Variants in HSPH1 observed in about 807,000 individuals in gnomAD.
HSPH1 encodes the protein heat shock protein family H (Hsp110) member 1, also known as heat shock protein 105 kDa.
HSPH1 carries 40 observed loss-of-function variants against 100.0 expected under a neutral mutation model. The observed-to-expected ratio is 0.40, with a 90% CI of 0.31 to 0.52. HSPH1 has a LOEUF of 0.52. Among genes scored for constraint, HSPH1 ranks in the 20% least tolerant of loss-of-function variants. The pLI is 0.54. For missense variants in HSPH1, 876 were observed against 1,015.1 expected, an observed-to-expected ratio of 0.86 and a Z score of 1.86; for synonymous variants, 403 against 344.0, an observed-to-expected ratio of 1.17 and a Z score of -1.90.
At chr13:31,144,372 C>T (rs1454917326) in intron 11 of HSPH1, among the ~76,000 whole-genome samples, 1 of 152,038 alleles carries the variant, frequency 6.6e-6, no homozygotes, top group Non-Finnish European at 1.5e-5. Flanking sequence ...CATAAAATGG[C>T]CAATTATCAG....
At chr13:31,151,829 T>A (rs1248177906) in intron 5 of HSPH1, 87 bp from the exon 6 acceptor site, 44 of 1,165,974 alleles carry the variant, frequency 3.8e-5, no homozygotes, top group South Asian at 5.9e-5. Flanking sequence ...GCAGGAAGCT[T>A]GACTATTAAC....
Position 31,143,873 on chromosome 13 carries a change from T to A in HSPH1, c.1635A>T (p.Gln545His). 6.2e-7 allele frequency: 1 copy of A among 1,611,654 alleles called. No individual in the cohort carries two copies. Among genetic ancestry groups the A allele is most frequent in the Non-Finnish European group, 8.5e-7 (1 of 1,178,660 alleles). ...NSEAGTQPQVQTDAQQTSQSP... is the reference protein window; with the variant it reads ...NSEAGTQPQVHTDAQQTSQSP... Reference sequence around the variant, plus strand: ...ACTGTGAGGTTTGTTGAGCATCAGTTTGTACCTGGGGCTGTGTTCCAGCTT... The same window carrying A: ...ACTGTGAGGTTTGTTGAGCATCAGTATGTACCTGGGGCTGTGTTCCAGCTT... Residue 545 changes from glutamine (Q) to histidine (H), a missense_variant, in exon 12 of 18, where the codon CAA (glutamine) becomes CAT (histidine). Physicochemically the swap from Gln to His is conservative, Grantham distance 24 (BLOSUM62 0). Transcript: ENST00000320027.
chr13:31,160,221 C>G (rs935890738), intron 1 of HSPH1, among the ~76,000 whole-genome samples: 3 of 152,088 alleles, frequency 2.0e-5, no homozygotes, highest in African/African-American at 7.2e-5. Flanking sequence ...GGCATGAAAG[C>G]CTGAAATACT....
chr13:31,151,894 G>T, intron 5 of HSPH1, 152 bp from the exon 6 acceptor site: 1 of 594,320 alleles, frequency 1.7e-6, no homozygotes, highest in Non-Finnish European at 2.9e-6. Flanking sequence ...ACTTCACACT[G>T]ATTTTCTTGG....
chr13:31,144,057 A>G (rs1345844926), intron 11 of HSPH1, 134 bp from the exon 12 acceptor site: 2 of 706,636 alleles, frequency 2.8e-6, no homozygotes, highest in Non-Finnish European at 4.1e-6. Context: ...GTACTGGATA[A>G]AAACAAAATG....
chr13:31,154,031 G>C, intron 4 of HSPH1: 1 of 154,184 alleles, frequency 6.5e-6, no homozygotes, highest in African/African-American at 2.4e-5. Flanking sequence ...TCATACTATA[G>C]AGCAAAGACC....
intron 12 of HSPH1, among the ~76,000 whole-genome samples, chr13:31,142,297 A>G (rs993593224): frequency 3.9e-5 from 6 of 152,104 alleles, no homozygotes; most frequent in African/African-American, 1.4e-4. Flanking sequence ...AAAGAGATGG[A>G]ATTAGATCCC....
At chr13:31,154,799 A>C (rs1410480251) in intron 3 of HSPH1, 44 bp from the exon 4 acceptor site, 2 of 1,553,730 alleles carry the variant, frequency 1.3e-6, no homozygotes, top group Non-Finnish European at 1.8e-6. Context: ...TAGTACTTTA[A>C]GCTACATGCC....
At chr13:31,161,342 T>G (rs1956901672) in intron 1 of HSPH1, 134 bp downstream of exon 1, 12 of 1,451,260 alleles carry the variant, frequency 8.3e-6, no homozygotes, top group Middle Eastern at 4.8e-4. Flanking sequence ...TGGTCCCTAG[T>G]TCCACGGAGG....
chr13:31,153,896 T>C (rs565735812), intron 4 of HSPH1: 1 of 151,266 alleles, frequency 6.6e-6, no homozygotes, highest in South Asian at 2.1e-4. Context: ...TATAACTTAA[T>C]TCTTTAATTT....
In HSPH1 at chr13:31,161,824, C is replaced by A; in HGVS notation, c.-242G>T. The A allele has an allele frequency of 1.4e-6, 2 of 1,478,220 alleles. No homozygotes were observed. The highest frequency in any genetic ancestry group is 4.5e-5 in the Admixed American group (2 of 44,392). The allele number at this position is 1,478,220 out of a possible 1,614,324, so 91.6% of individuals were successfully genotyped here. On this transcript the variant is annotated 5_prime_UTR_variant, in exon 1 of 18. Transcript: ENST00000320027. ...CTGGGAGAAAGCGGGGCTCAGCCTC[C>A]GCAGGTCGCTCCGCACCTCGGGTTG...
intron 4 of HSPH1, 105 bp downstream of exon 4, chr13:31,154,528 G>A (rs766623242): frequency 9.4e-6 from 12 of 1,272,224 alleles, no homozygotes; most frequent in East Asian, 2.3e-5. Flanking sequence ...AGTAGAACAC[G>A]GTCTCTAGTA....
chr13:31,148,034 G>C lies in HSPH1; in HGVS notation c.1303C>G (p.Leu435Val), dbSNP rs181708109. The C allele has an allele frequency of 9.2e-4, 1,475 of 1,610,768 alleles. 22 individuals are homozygous for C. The Admixed American group carries it at 0.023, about 26-fold the overall frequency. Reference sequence around the variant, plus strand: ...TCTAGCTCAAAAGGCCCCCTTCTCAGAAAGGTGAGAACTTTGGAGAAAGGA... The same window carrying C: ...TCTAGCTCAAAAGGCCCCCTTCTCACAAAGGTGAGAACTTTGGAGAAAGGA... The part of the protein sequence containing the change: ...AAPFSKVLTF[L>V]RRGPFELEAF... Residue 435 changes from leucine (L) to valine (V), a missense_variant, in exon 10 of 18, where the codon CTG becomes GTG. Transcript: ENST00000320027.
intron 12 of HSPH1, among the ~76,000 whole-genome samples, chr13:31,142,161 G>C (rs1253146340): frequency 6.6e-6 from 1 of 152,102 alleles, no homozygotes; most frequent in Non-Finnish European, 1.5e-5. Flanking sequence ...AAAACGGGAA[G>C]AGACTGGCCC....
chr13:31,159,706 T>C (rs1956827014), intron 1 of HSPH1, among the ~76,000 whole-genome samples: 1 of 152,188 alleles, frequency 6.6e-6, no homozygotes, highest in African/African-American at 2.4e-5. Flanking sequence ...CCTGCTTAGG[T>C]ATGAGTAATG....
At chr13:31,140,472 C>T (rs907570943) in intron 13 of HSPH1, 163 bp from the exon 14 acceptor site, 2 of 442,916 alleles carry the variant, frequency 4.5e-6, no homozygotes, top group Non-Finnish European at 3.8e-6. Flanking sequence ...ACCAAACAGA[C>T]ATTTCCATTT....
In HSPH1 at chr13:31,151,102, C is replaced by T. The variant is rs1290331492; in HGVS notation, c.753G>A (p.Lys251=). The change falls in exon 7 of 18, where the codon AAG becomes AAA. Residue 251 remains lysine (K), a synonymous_variant. Transcript: ENST00000320027. ...VEHFCAEFKT[K]YKLDAKSKIR... ...TTTTGGATTTTGCATCCAACTTGTA[C>T]TTAGTTTTAAATTCTGCACAAAAAT... 3 of 1,613,600 alleles carry T rather than the reference C, an allele frequency of 1.9e-6. No individual in the cohort carries two copies. The highest frequency in any genetic ancestry group is 2.5e-6 in the Non-Finnish European group (3 of 1,179,772).
chr13:31,140,082 T>TTG (rs1956033493), intron 14 of HSPH1, 102 bp downstream of exon 14: 1 of 1,164,808 alleles, frequency 8.6e-7, no homozygotes, highest in African/African-American at 1.5e-5. Context: ...CTAAAAAGTT[T>TTG]AAGTTACATA....
intron 13 of HSPH1, 173 bp downstream of exon 13, chr13:31,140,949 G>C: frequency 2.3e-6 from 1 of 426,380 alleles, no homozygotes; most frequent in Non-Finnish European, 4.1e-6. Context: ...AGATTTTTTT[G>C]TTAAAAAAAA....
Sources: allele counts gnomAD v4.1 joint callset (sites outside exome capture counted in the v4.1 genomes callset), GRCh38; gene constraint gnomAD v4.1.1; transcripts MANE v1.5; gene names NCBI Gene and HGNC (gene_info 2026-07-23, HGNC 2026-07-21).